KREMEN1: variants seen among roughly 807,000 people sequenced by gnomAD.
KREMEN1 encodes kremen protein 1.
KREMEN1 carries 30 observed loss-of-function variants against 46.5 expected under a neutral mutation model. The observed-to-expected ratio is 0.65, with a 90% CI of 0.48 to 0.88. KREMEN1 has a LOEUF of 0.88. KREMEN1 is among the 40% of genes least tolerant of loss of function. KREMEN1 has a pLI of 0.00. For missense variants in KREMEN1, 533 were observed against 596.9 expected, an observed-to-expected ratio of 0.89 and a Z score of 1.11; for synonymous variants, 214 against 230.6, an observed-to-expected ratio of 0.93 and a Z score of 0.65.
At position 29,137,446 on chromosome 22, in the gene KREMEN1, A is replaced by G; in HGVS notation, c.736A>G (p.Ile246Val). 1.9e-6 allele frequency: 3 copies of G among 1,602,586 alleles called. No homozygotes were observed. The highest frequency in any genetic ancestry group is 1.3e-5 in the African/African-American group (1 of 74,858). Residue 246 changes from isoleucine to valine, a missense_variant, in exon 6 of 9, where the codon ATC becomes GTC. By Grantham distance (29) the Ile-to-Val change is conservative. Transcript: ENST00000400335. ...YATGRVCYWT[I>V]RVPGASHIHF... Reference sequence around the variant, plus strand: ...CACGGGGAGGGTCTGCTACTGGACCATCCGGGTTCCGGGGGCCTCCCACAT... The same window carrying G: ...CACGGGGAGGGTCTGCTACTGGACCGTCCGGGTTCCGGGGGCCTCCCACAT...
chr22:29,159,450 C>G (rs1313102700), intron 9 of KREMEN1, among the ~76,000 whole-genome samples: 4 of 151,914 alleles, frequency 2.6e-5, no homozygotes, highest in Non-Finnish European at 5.9e-5. Flanking sequence ...GAAACCCTAT[C>G]TCTACTAAAA....
chr22:29,075,932 T>TAG (rs2037563342), intron 1 of KREMEN1, among the ~76,000 whole-genome samples: 1 of 152,228 alleles, frequency 6.6e-6, no homozygotes, highest in African/African-American at 2.4e-5. Flanking sequence ...CAATCCTACT[T>TAG]CTAATTACAA....
downstream of KREMEN1, among the ~76,000 whole-genome samples, chr22:29,147,020 G>C (rs1378366819): frequency 6.6e-6 from 1 of 152,102 alleles, no homozygotes; most frequent in East Asian, 1.9e-4. Flanking sequence ...GGTACGATCT[G>C]AAAGATTAGG....
intron 3 of KREMEN1, among the ~76,000 whole-genome samples, chr22:29,100,145 G>A (rs1307520435): frequency 1.4e-5 from 2 of 146,788 alleles, no homozygotes; most frequent in Non-Finnish European, 3.0e-5. Context: ...AGGCTGGAGT[G>A]CAGTGGTGCC....
chr22:29,088,955 AG>A (rs769351524), intron 1 of KREMEN1, among the ~76,000 whole-genome samples: 22 of 152,152 alleles, frequency 1.4e-4, no homozygotes, highest in Non-Finnish European at 2.8e-4. Flanking sequence ...TGTGTGATAA[AG>A]AAAAAAAAAT....
intron 1 of KREMEN1, among the ~76,000 whole-genome samples, chr22:29,093,658 T>C (rs2037834938): frequency 6.6e-6 from 1 of 152,356 alleles, no homozygotes; most frequent in Admixed American, 6.5e-5. Flanking sequence ...TGACTGTCTG[T>C]TTTGTTCCAC....
chr22:29,117,378 T>A (rs150935277), intron 3 of KREMEN1, among the ~76,000 whole-genome samples: 1 of 152,090 alleles, frequency 6.6e-6, no homozygotes, highest in Non-Finnish European at 1.5e-5. Context: ...CCATCCTGGC[T>A]AACATGGTGA....
At chr22:29,121,280 T>A in intron 3 of KREMEN1, 77 bp from the exon 4 acceptor site, 2 of 1,559,814 alleles carry the variant, frequency 1.3e-6, no homozygotes, top group Non-Finnish European at 8.8e-7. Flanking sequence ...TGAAAGTACC[T>A]GGCACAAATC....
chr22:29,150,056 T>C (rs567733231), downstream of KREMEN1, among the ~76,000 whole-genome samples: 2 of 152,332 alleles, frequency 1.3e-5, no homozygotes, highest in East Asian at 1.9e-4. Context: ...CGGGTCCCGA[T>C]GGGGGATTGT....
chr22:29,142,321 C>T lies in KREMEN1; in HGVS notation c.*209C>T. The T allele has an allele frequency of 2.4e-6, 3 of 1,272,024 alleles. No individual in the cohort carries two copies. Among genetic ancestry groups the T allele is most frequent in the Non-Finnish European group, 3.0e-6 (3 of 1,011,128 alleles). 78.8% of individuals were successfully genotyped at this position (1,272,024 alleles called of 1,614,324 possible). On this transcript the variant is annotated 3_prime_UTR_variant, in exon 9 of 9. Coordinates refer to ENST00000400335, the MANE Select transcript of KREMEN1 (RefSeq NM_001039570.3). Reference sequence around the variant, plus strand: ...GATTCCTCCTGCTTCATCGATTGCACTTAGGAGAGAGACTCAAAGCCCTGG... The same window carrying T: ...GATTCCTCCTGCTTCATCGATTGCATTTAGGAGAGAGACTCAAAGCCCTGG...
intron 4 of KREMEN1, among the ~76,000 whole-genome samples, chr22:29,124,371 A>G (rs2038406320): frequency 6.6e-6 from 1 of 152,234 alleles, no homozygotes. Flanking sequence ...ACAGTAAAGG[A>G]AAATGCGTCA....
chr22:29,147,305 C>T (rs948553862), downstream of KREMEN1, among the ~76,000 whole-genome samples: 2 of 152,228 alleles, frequency 1.3e-5, no homozygotes, highest in African/African-American at 4.8e-5. Context: ...CTCTCCACCC[C>T]CTTCTTGCCC....
chr22:29,084,208 A>G (rs1313029208), intron 1 of KREMEN1, among the ~76,000 whole-genome samples: 1 of 152,048 alleles, frequency 6.6e-6, no homozygotes, highest in Admixed American at 6.5e-5. Flanking sequence ...TTTCATCACT[A>G]TCTTGGTTTT....
chr22:29,160,937 A>C (rs929048577), intron 9 of KREMEN1, among the ~76,000 whole-genome samples: 7 of 152,242 alleles, frequency 4.6e-5, no homozygotes, highest in African/African-American at 1.7e-4. Context: ...CAAAACCAAA[A>C]GTTGATTATT....
At chr22:29,134,335 T>C (rs2038622152) in intron 5 of KREMEN1, among the ~76,000 whole-genome samples, 1 of 151,998 alleles carries the variant, frequency 6.6e-6, no homozygotes, top group South Asian at 2.1e-4. Flanking sequence ...TTTTAAAATT[T>C]TTGTAGAGAT....
intron 1 of KREMEN1, among the ~76,000 whole-genome samples, chr22:29,075,724 T>TAC (rs1224437221): frequency 6.6e-6 from 1 of 151,944 alleles, no homozygotes; most frequent in East Asian, 1.9e-4. Flanking sequence ...CACACACACA[T>TAC]ACACACACAC....
At chr22:29,140,152 C>G (rs2038737531) in intron 7 of KREMEN1, 130 bp from the exon 8 acceptor site, 1 of 697,804 alleles carries the variant, frequency 1.4e-6, no homozygotes, top group South Asian at 1.7e-5. Context: ...GCTAGGTTTG[C>G]TAGCTGCCCT....
chr22:29,090,256 G>T (rs1026722582), intron 1 of KREMEN1, among the ~76,000 whole-genome samples: 1 of 152,122 alleles, frequency 6.6e-6, no homozygotes, highest in Non-Finnish European at 1.5e-5. Flanking sequence ...GGTTTAAGCC[G>T]CTCCTTGCTT....
At chr22:29,109,315 T>G in intron 3 of KREMEN1, among the ~76,000 whole-genome samples, 1 of 152,170 alleles carries the variant, frequency 6.6e-6, no homozygotes, top group East Asian at 1.9e-4. Flanking sequence ...CTGAAAATCT[T>G]TATACCAGCA....
Sources: gnomAD v4.1 joint callset for allele counts (sites outside exome capture counted in the v4.1 genomes callset) on GRCh38, gnomAD v4.1.1 for gene constraint, MANE v1.5 for transcripts, NCBI Gene and HGNC (gene_info 2026-07-23, HGNC 2026-07-21) for gene names.